MYO7A: variants seen among roughly 807,000 people sequenced by gnomAD.
The protein encoded by MYO7A is unconventional myosin-VIIa.
A neutral mutation model predicts 263.8 loss-of-function variants in MYO7A; 210 were observed. The ratio of observed to expected loss-of-function variants is 0.80; its 90% CI spans 0.71 to 0.89. The LOEUF (loss-of-function observed/expected upper bound fraction) is 0.89, where lower values mean the gene tolerates loss of function less well. MYO7A is among the 40% of genes least tolerant of loss of function. MYO7A has a pLI of 0.00. For synonymous variants in MYO7A, 1,239 were observed against 1,197.3 expected, an observed-to-expected ratio of 1.03 and a Z score of -0.72; for missense variants, 2,820 against 2,968.3, an observed-to-expected ratio of 0.95 and a Z score of 1.16.
chr11:77,206,506 T>TGGCTTTGCACC (rs1242396581), intron 41 of MYO7A, among the ~76,000 whole-genome samples: 4 of 152,170 alleles, frequency 2.6e-5, no homozygotes, highest in Admixed American at 6.5e-5. Flanking sequence ...GGCTTTGCAC[T>TGGCTTTGCACC]GGCTTTGCAC....
chr11:77,198,739 G>C, intron 34 of MYO7A, 118 bp downstream of exon 34: 1 of 1,479,350 alleles, frequency 6.8e-7, no homozygotes, highest in Non-Finnish European at 9.1e-7. Context: ...GCACGTGATT[G>C]GGCAGTTTGT....
intron 32 of MYO7A, among the ~76,000 whole-genome samples, chr11:77,195,574 C>T (rs1047568026): frequency 2.6e-5 from 4 of 152,204 alleles, no homozygotes; most frequent in Non-Finnish European, 5.9e-5. Flanking sequence ...TTATTTTGGG[C>T]ATTTGTCATG....
intron 24 of MYO7A, 83 bp from the exon 25 acceptor site, chr11:77,182,341 C>T: frequency 6.7e-7 from 1 of 1,481,630 alleles, no homozygotes; most frequent in Non-Finnish European, 9.0e-7. Flanking sequence ...GTGTCTCCAG[C>T]CCACTCCCCA....
At chr11:77,154,153 C>T (rs1952224660) in intron 4 of MYO7A, among the ~76,000 whole-genome samples, 1 of 152,210 alleles carries the variant, frequency 6.6e-6, no homozygotes, top group South Asian at 2.1e-4. Context: ...TATCAGGCGC[C>T]TGGCAAAGGT....
intron 2 of MYO7A, among the ~76,000 whole-genome samples, chr11:77,134,224 T>C (rs7122842): frequency 0.43 from 64,996 of 152,022 alleles, 15,830 homozygotes; most frequent in African/African-American, 0.68. Context: ...AGCCACTGCA[T>C]CTGGCCTACA....
rs1192480730 is a variant in MYO7A at position 77,178,958 on chromosome 11, G to A, written c.2283-87G>A. The stretch of plus-strand genomic sequence containing the variant: ...TATAGCTAGGAAGTCACAGAGCTGG[G>A]ACTCAGCGTGCCCTCCTGATCCCAA... On this transcript the variant is annotated intron_variant, in intron 19 of 48. Coordinates refer to ENST00000409709, the MANE Select transcript of MYO7A (RefSeq NM_000260.4). 9.9e-6 allele frequency: 10 copies of A among 1,010,878 alleles called. No homozygotes were observed. The African/African-American group carries it at 1.3e-4, about 13-fold the overall frequency. 62.6% of individuals were successfully genotyped at this position (1,010,878 alleles called of 1,614,324 possible).
At position 77,151,493 on chromosome 11, in the gene MYO7A, C is replaced by T. The variant is rs782565366; in HGVS notation, c.285+3543C>T. 1.8e-4 allele frequency among the ~76,000 whole-genome samples: 27 copies of T among 152,244 alleles called. 1 individual carries two copies. Among genetic ancestry groups the T allele is most frequent in the Middle Eastern group, 3.4e-3 (1 of 292 alleles). On this transcript the variant is annotated intron_variant, in intron 4 of 48. Transcript: ENST00000409709. Reference sequence around the variant, plus strand: ...CAGAGCCGACAGGCCTGGGCACTTCCTGGAGGAGGTGAAATTGATTCCTGC... The same window carrying T: ...CAGAGCCGACAGGCCTGGGCACTTCTTGGAGGAGGTGAAATTGATTCCTGC...
chr11:77,198,417 G>A (rs1591453947), intron 33 of MYO7A, 78 bp from the exon 34 acceptor site: 2 of 1,565,876 alleles, frequency 1.3e-6, no homozygotes, highest in Non-Finnish European at 1.7e-6. Flanking sequence ...ATTGCCACCT[G>A]CCTGGCCGTT....
intron 4 of MYO7A, 29 bp from the exon 5 acceptor site, chr11:77,155,878 G>T: frequency 1.3e-6 from 2 of 1,542,782 alleles, no homozygotes; most frequent in East Asian, 2.4e-5. Context: ...CATGGAATCA[G>T]CGAGCTCCCC....
At position 77,214,800 on chromosome 11, in the gene MYO7A, A is replaced by G; in HGVS notation, c.*104A>G. The G allele has an allele frequency of 1.0e-6, 1 of 994,726 alleles. No homozygotes were observed. Among genetic ancestry groups the G allele is most frequent in the East Asian group, 2.6e-5 (1 of 37,896 alleles). 61.6% of individuals were successfully genotyped at this position (994,726 alleles called of 1,614,324 possible). On this transcript the variant is annotated 3_prime_UTR_variant, in exon 49 of 49. Transcript: ENST00000409709. ...TGGGGAAGACTTATGCCATCCCGGC[A>G]GCGAGGCTGGGCTGGCCAGCCACCA... is the stretch of plus-strand genomic sequence containing the variant.
chr11:77,148,012 C>T, intron 4 of MYO7A, 62 bp downstream of exon 4: 1 of 1,395,452 alleles, frequency 7.2e-7, no homozygotes. Context: ...GCCCACCTCG[C>T]CCCACCCCGC....
In MYO7A at chr11:77,206,157, C is replaced by A. The variant is rs1178147992; in HGVS notation, c.5697C>A (p.Thr1899=). The A allele has an allele frequency of 6.2e-7, 1 of 1,613,590 alleles. No homozygotes were observed. Among genetic ancestry groups the A allele is most frequent in the African/African-American group, 1.3e-5 (1 of 75,030 alleles). The part of the protein sequence containing the change: ...LVEVEAIQHK[T]TQIFHKVYFP... ...AGGTGGAGGCCATCCAGCACAAGAC[C>A]ACCCAGATTTTCCACAAAGTCTACT... is the stretch of plus-strand genomic sequence containing the variant. Residue 1899 remains threonine, a synonymous_variant, in exon 41 of 49, where the codon ACC becomes ACA. Transcript: ENST00000409709.
In MYO7A at chr11:77,213,857, C is replaced by T. The variant is rs1038566394; in HGVS notation, c.6439-3C>T. On this transcript the variant is annotated splice_region_variant and splice_polypyrimidine_tract_variant and intron_variant, in intron 47 of 48. Transcript: ENST00000409709. ...CCTCTCTATGCCCTTTCTGCTCCCCCAGGATATCCTCACCACTCATCCCTT... is the reference window on the plus strand; with the variant it reads ...CCTCTCTATGCCCTTTCTGCTCCCCTAGGATATCCTCACCACTCATCCCTT... 6 of 1,613,926 alleles carry T rather than the reference C, an allele frequency of 3.7e-6. No individual in the cohort carries two copies. The highest frequency in any genetic ancestry group is 1.7e-5 in the Admixed American group (1 of 60,014).
At chr11:77,165,377 C>T (rs896670021) in intron 14 of MYO7A, among the ~76,000 whole-genome samples, 1 of 152,198 alleles carries the variant, frequency 6.6e-6, no homozygotes, top group African/African-American at 2.4e-5. Flanking sequence ...CTGTGAGTGG[C>T]AGCCTCCTCT....
chr11:77,186,464 A>T (rs782381317), intron 27 of MYO7A, among the ~76,000 whole-genome samples: 5 of 152,240 alleles, frequency 3.3e-5, no homozygotes, highest in Non-Finnish European at 7.3e-5. Flanking sequence ...CAATGATTCT[A>T]GCTAGACCTT....
Position 77,211,203 on chromosome 11 carries a change from C to G in MYO7A, c.6103C>G (p.Leu2035Val). 5.0e-6 allele frequency: 8 copies of G among 1,593,206 alleles called. No individual in the cohort carries two copies. Among genetic ancestry groups the G allele is most frequent in the Admixed American group, 1.7e-5 (1 of 57,152 alleles). ...CCACAAGTGCACGCGGGAGGAGGTG[C>G]TGCAGCTGGGGGCGCTGATCTACAG... ...GYHKCTREEV[L>V]QLGALIYRVK... The change falls in exon 45 of 49, where the codon CTG becomes GTG. Residue 2035 changes from leucine to valine, a missense_variant. Coordinates refer to ENST00000409709, the MANE Select transcript of MYO7A (RefSeq NM_000260.4).
intron 46 of MYO7A, chr11:77,212,548 C>T (rs1957955930): frequency 2.9e-6 from 1 of 342,326 alleles, no homozygotes; most frequent in South Asian, 2.5e-5. Context: ...GTCTGAGGGG[C>T]ACAACAGAGG....
rs1311789339 is a variant in MYO7A, at chr11:77,181,502, C to T, written c.2817C>T (p.His939=). The T allele has an allele frequency of 6.2e-7, 1 of 1,613,428 alleles. No individual in the cohort carries two copies. Among genetic ancestry groups the T allele is most frequent in the East Asian group, 2.2e-5 (1 of 44,892 alleles). Reference sequence around the variant, plus strand: ...GGGCCCGCCATGAGCCTGTCAATCACTCAGACATGGTGGACAAGATGTTTG... The same window carrying T: ...GGGCCCGCCATGAGCCTGTCAATCATTCAGACATGGTGGACAAGATGTTTG... ...MERARHEPVN[H]SDMVDKMFGF... is the part of the protein sequence containing the mutation. The change falls in exon 23 of 49, where the codon CAC becomes CAT. Residue 939 remains histidine, a synonymous_variant. Transcript: ENST00000409709.
chr11:77,212,778 C>A (rs531014166), intron 46 of MYO7A, 174 bp from the exon 47 acceptor site: 9 of 636,458 alleles, frequency 1.4e-5, no homozygotes, highest in Admixed American at 2.4e-5. Flanking sequence ...GGATGTGGGG[C>A]AGCACTGAGG....
Sources: allele counts gnomAD v4.1 joint callset (sites outside exome capture counted in the v4.1 genomes callset), GRCh38; gene constraint gnomAD v4.1.1; transcripts MANE v1.5; gene names NCBI Gene and HGNC (gene_info 2026-07-23, HGNC 2026-07-21).